The following SLC44A1 variants were observed in gnomAD, a reference collection of about 807,000 sequenced individuals.
The protein encoded by SLC44A1 is solute carrier family 44 member 1.
Under a neutral mutation model 79.3 loss-of-function variants are expected in SLC44A1, and 26 were observed. That is an observed-to-expected ratio of 0.33 (90% CI 0.24 to 0.46). The LOEUF is 0.46. Ranked by LOEUF, SLC44A1 falls within the 20% of genes least tolerant of loss-of-function variation. The probability of loss-of-function intolerance (pLI) is 1.00; values close to 1 mark genes in which losing one functional copy is unlikely to be tolerated. For synonymous variants in SLC44A1, 263 were observed against 286.2 expected (o/e 0.92, Z 0.82); for missense variants, 688 against 798.1 (o/e 0.86, Z 1.66).
chr9:105,339,859 G>C (rs1827032896), intron 4 of SLC44A1, among the ~76,000 whole-genome samples: 1 of 151,918 alleles, frequency 6.6e-6, no homozygotes, highest in African/African-American at 2.4e-5. Context: ...AAGAAAATGT[G>C]GTGAATACAT....
chr9:105,278,617 A>G (rs1830271423), intron 1 of SLC44A1, among the ~76,000 whole-genome samples: 1 of 151,578 alleles, frequency 6.6e-6, no homozygotes, highest in South Asian at 2.1e-4. Context: ...CTGACCTCAA[A>G]TGATGTACCC....
In SLC44A1 at chr9:105,366,365, G is replaced by A. The variant is rs1437016919; in HGVS notation, c.1430G>A (p.Cys477Tyr). 8 of 1,512,818 alleles carry A rather than the reference G, an allele frequency of 5.3e-6. No homozygotes were observed. The highest frequency in any genetic ancestry group is 2.5e-5 in the East Asian group (1 of 39,270). 93.7% of individuals were successfully genotyped at this position (1,512,818 alleles called of 1,614,324 possible). A position where few individuals can be genotyped will look rare whatever the true frequency, so the allele number is the denominator to read the frequency against. Residue 477 changes from cysteine (C) to tyrosine (Y), a missense_variant, in exon 12 of 16, where the codon TGT (cysteine) becomes TAT (tyrosine). Cys to Tyr is a radical substitution (Grantham distance 194). Transcript: ENST00000374720. ...ATCCAGGAAAATGCTTGTGCACGAT[G>A]TGTGCTGAAATCTTGCATTTGTTGC... The part of the protein sequence containing the change: ...LKGKENACAR[C>Y]VLKSCICCLW...
chr9:105,381,475 G>T (rs1013932663), intron 13 of SLC44A1, among the ~76,000 whole-genome samples: 1 of 151,776 alleles, frequency 6.6e-6, no homozygotes, highest in African/African-American at 2.4e-5. Context: ...TTGAACCCAG[G>T]AGGTGGAGGT....
intron 1 of SLC44A1, among the ~76,000 whole-genome samples, chr9:105,294,398 AG>A (rs1295972713): frequency 6.6e-6 from 1 of 151,734 alleles, no homozygotes; most frequent in Non-Finnish European, 1.5e-5. Flanking sequence ...TGGTTTGAAA[AG>A]TGTTCATGTC....
intron 3 of SLC44A1, among the ~76,000 whole-genome samples, chr9:105,332,048 G>T (rs1826765996): frequency 6.6e-6 from 1 of 151,716 alleles, no homozygotes; most frequent in Non-Finnish European, 1.5e-5. Flanking sequence ...TTAACTTCAT[G>T]TGTGTGCATT....
chr9:105,393,001 G>T lies in SLC44A1; in HGVS notation c.*3945G>T. On this transcript the variant is annotated 3_prime_UTR_variant, in exon 16 of 16. Transcript: ENST00000374720. ...CAAATAAAACTCTCAGAGTCTGGAG[G>T]CTTATCAGTGCACCTGCCACAGTTA... 1.0e-6 allele frequency: 1 copy of T among 984,568 alleles called. No individual in the cohort carries two copies. The highest frequency in any genetic ancestry group is 1.2e-6 in the Non-Finnish European group (1 of 829,322). 61.0% of individuals were successfully genotyped at this position (984,568 alleles called of 1,614,324 possible). A position where few individuals can be genotyped will look rare whatever the true frequency, so the allele number is the denominator to read the frequency against.
chr9:105,297,915 G>A (rs1434433029), intron 1 of SLC44A1, among the ~76,000 whole-genome samples: 1 of 152,086 alleles, frequency 6.6e-6, no homozygotes, highest in African/African-American at 2.4e-5. Flanking sequence ...CTGGAGGCCT[G>A]AACCTTCTCA....
At position 105,392,377 on chromosome 9, in the gene SLC44A1, T is replaced by C. The variant is rs2131484625; in HGVS notation, c.*3321T>C. On this transcript the variant is annotated 3_prime_UTR_variant, in exon 16 of 16. Transcript: ENST00000374720. ...AGTTATGCTAGAAATGTTTTTCTTT[T>C]GTAGAGATGCTCTCTCTCTCTCTCT... The C allele has an allele frequency of 1.0e-6, 1 of 984,168 alleles. No homozygotes were observed. Among genetic ancestry groups the C allele is most frequent in the Non-Finnish European group, 1.2e-6 (1 of 829,268 alleles). The allele number at this position is 984,168 out of a possible 1,614,324, so 61.0% of individuals were successfully genotyped here.
chr9:105,302,839 G>A (rs959184692), intron 2 of SLC44A1, among the ~76,000 whole-genome samples: 5 of 152,266 alleles, frequency 3.3e-5, no homozygotes, highest in East Asian at 1.9e-4. Flanking sequence ...GAAAGATGGC[G>A]CTGGCAGCTA....
At chr9:105,341,297 T>C (rs7870687) in intron 4 of SLC44A1, among the ~76,000 whole-genome samples, 14,219 of 144,654 alleles carry the variant, frequency 0.098, 1,725 homozygotes, top group African/African-American at 0.3. Flanking sequence ...ATCGTGCCAC[T>C]GCACTCCAGC....
intron 1 of SLC44A1, among the ~76,000 whole-genome samples, chr9:105,265,524 T>A (rs1487204219): frequency 6.6e-6 from 1 of 152,234 alleles, no homozygotes; most frequent in Non-Finnish European, 1.5e-5. Flanking sequence ...CATAGTTTAT[T>A]CACCAGTTGA....
At position 105,366,418 on chromosome 9, in the gene SLC44A1, T is replaced by C; in HGVS notation, c.1483T>C (p.Tyr495His). The change falls in exon 12 of 16, where the codon TAT becomes CAT. Residue 495 changes from tyrosine to histidine, a missense_variant. By Grantham distance (83) the Tyr-to-His change is moderately conservative (BLOSUM62 2). Coordinates refer to ENST00000374720, the MANE Select transcript of SLC44A1 (RefSeq NM_080546.5). ...TTGGTGTCTTGAAAAGTGCCTAAAT[T>C]ATTTAAATCAGGTAAAATATTTTAA... ...CLWCLEKCLN[Y>H]LNQNAYTATA... The C allele has an allele frequency of 3.4e-6, 5 of 1,473,416 alleles. No individual in the cohort carries two copies. The highest frequency in any genetic ancestry group is 4.6e-6 in the Non-Finnish European group (5 of 1,085,562). The allele number at this position is 1,473,416 out of a possible 1,614,324, so 91.3% of individuals were successfully genotyped here. A position where few individuals can be genotyped will look rare whatever the true frequency, so the allele number is the denominator to read the frequency against.
intron 3 of SLC44A1, among the ~76,000 whole-genome samples, chr9:105,314,838 C>G (rs1345319356): frequency 6.6e-6 from 1 of 152,176 alleles, no homozygotes; most frequent in African/African-American, 2.4e-5. Context: ...ACTTCTTTCT[C>G]TTAATTGTTC....
intron 1 of SLC44A1, among the ~76,000 whole-genome samples, chr9:105,255,106 T>TG (rs1475715844): frequency 6.6e-6 from 1 of 151,328 alleles, no homozygotes. Flanking sequence ...TTTTTGTTTT[T>TG]TTTTTTTTTT....
At chr9:105,308,921 T>C (rs549986912) in intron 2 of SLC44A1, among the ~76,000 whole-genome samples, 1 of 152,218 alleles carries the variant, frequency 6.6e-6, no homozygotes, top group African/African-American at 2.4e-5. Context: ...TTTGTTTTGG[T>C]CAGTGCATGC....
At chr9:105,423,097 A>G (rs1046165845) in intron 15 of SLC44A1, among the ~76,000 whole-genome samples, 1 of 152,226 alleles carries the variant, frequency 6.6e-6, no homozygotes, top group Non-Finnish European at 1.5e-5. Context: ...TTATGTTAAC[A>G]GTGTGAGGAA....
intron 10 of SLC44A1, 80 bp downstream of exon 10, chr9:105,364,800 T>C (rs1827891440): frequency 4.6e-6 from 5 of 1,084,330 alleles, no homozygotes; most frequent in Non-Finnish European, 6.8e-6. Context: ...GGAATCAGAC[T>C]GGGGCTGGCA....
intron 15 of SLC44A1, among the ~76,000 whole-genome samples, chr9:105,421,789 G>A (rs917200763): frequency 2.6e-5 from 4 of 151,866 alleles, no homozygotes; most frequent in East Asian, 3.9e-4. Context: ...GGGTTTCACC[G>A]TGTTAGCCAG....
intron 1 of SLC44A1, among the ~76,000 whole-genome samples, chr9:105,273,053 G>A (rs548776922): frequency 6.6e-6 from 1 of 151,532 alleles, no homozygotes; most frequent in East Asian, 1.9e-4. Context: ...ATGTAGTGGC[G>A]CGATCTTGGC....
Sources: allele counts gnomAD v4.1 joint callset (sites outside exome capture counted in the v4.1 genomes callset), GRCh38; gene constraint gnomAD v4.1.1; transcripts MANE v1.5; gene names NCBI Gene and HGNC (gene_info 2026-07-23, HGNC 2026-07-21).